Variants in MYO1B observed in about 807,000 individuals in gnomAD.
MYO1B encodes the protein myosin IB.
A neutral mutation model predicts 159.7 loss-of-function variants in MYO1B; 72 were observed. That is an observed-to-expected ratio of 0.45 (90% CI 0.37 to 0.55). The LOEUF is 0.55. MYO1B is among the 20% of genes least tolerant of loss of function. The pLI, the probability that MYO1B is intolerant of heterozygous loss-of-function variation, is 0.00. For missense variants in MYO1B, 1,062 were observed against 1,364.8 expected (o/e 0.78, Z 3.50); for synonymous variants, 468 against 473.8 (o/e 0.99, Z 0.16).
chr2:191,290,905 A>T (rs1688651972), intron 2 of MYO1B, among the ~76,000 whole-genome samples: 1 of 152,212 alleles, frequency 6.6e-6, no homozygotes, highest in African/African-American at 2.4e-5. Context: ...CAGCACTAGC[A>T]GGTTGTTGCA....
chr2:191,330,670 T>C (rs1691412517), intron 4 of MYO1B, among the ~76,000 whole-genome samples: 1 of 152,202 alleles, frequency 6.6e-6, no homozygotes, highest in Non-Finnish European at 1.5e-5. Flanking sequence ...AGCCACATTC[T>C]CTGAATTCAA....
At position 191,331,439 on chromosome 2, in the gene MYO1B, A is replaced by G. The variant is rs943796429; in HGVS notation, c.346+1410A>G. Among the ~76,000 whole-genome samples the G allele has an allele frequency of 7.2e-5, 11 of 152,242 alleles. No homozygotes were observed. In the East Asian group the frequency reaches 1.2e-3, roughly 16 times the overall value. ...AAAATTCTTCCTTACCTAGAGTTCAATTCTGCCTCTACCTATTTGTCTTCA... is the reference window on the plus strand; with the variant it reads ...AAAATTCTTCCTTACCTAGAGTTCAGTTCTGCCTCTACCTATTTGTCTTCA... On this transcript the variant is annotated intron_variant, in intron 4 of 30. Coordinates refer to ENST00000392318, the MANE Select transcript of MYO1B (RefSeq NM_001130158.3).
chr2:191,416,916 A>G (rs1697610282), intron 30 of MYO1B, among the ~76,000 whole-genome samples: 1 of 152,184 alleles, frequency 6.6e-6, no homozygotes, highest in Admixed American at 6.5e-5. Flanking sequence ...GGTTCTGAAT[A>G]TAGAAGTTAG....
In MYO1B at chr2:191,416,116, G is replaced by A; in HGVS notation, c.3161G>A (p.Gly1054Asp). 6.2e-7 allele frequency: 1 copy of A among 1,613,868 alleles called. No homozygotes were observed. The highest frequency in any genetic ancestry group is 8.5e-7 in the Non-Finnish European group (1 of 1,179,954). Residue 1054 changes from glycine to aspartate, a missense_variant and splice_region_variant, in exon 30 of 31, where the codon GGC becomes GAC. Physicochemically the swap from Gly to Asp is moderately conservative, Grantham distance 94. This residue lies in a region of MYO1B where 609 missense variants were observed against 744.4 expected (regional missense o/e 0.82). Coordinates refer to ENST00000392318, the MANE Select transcript of MYO1B (RefSeq NM_001130158.3). ...DGFFAVHLKE[G>D]SEAASKGDFL... is the part of the protein sequence containing the mutation. ...CCGACTCTTGGTTTGTCCTTGCAGGGCTCAGAAGCAGCTAGTAAAGGAGAC... is the reference window on the plus strand; with the variant it reads ...CCGACTCTTGGTTTGTCCTTGCAGGACTCAGAAGCAGCTAGTAAAGGAGAC...
At chr2:191,337,909 T>G (rs923153510) in intron 4 of MYO1B, among the ~76,000 whole-genome samples, 3 of 152,146 alleles carry the variant, frequency 2.0e-5, no homozygotes, top group Non-Finnish European at 4.4e-5. Context: ...ATATAAATAT[T>G]TGAATACAGA....
chr2:191,295,076 T>C (rs1688904822), intron 2 of MYO1B, among the ~76,000 whole-genome samples: 1 of 152,188 alleles, frequency 6.6e-6, no homozygotes, highest in Admixed American at 6.6e-5. Context: ...TGTTTCTTTC[T>C]TTCCTTTATG....
chr2:191,359,669 G>A (rs1490482416), intron 7 of MYO1B, among the ~76,000 whole-genome samples: 3 of 152,104 alleles, frequency 2.0e-5, no homozygotes, highest in South Asian at 2.1e-4. Flanking sequence ...AGATTAAATG[G>A]CACATCATTC....
At chr2:191,343,156 C>T (rs1353291604) in intron 5 of MYO1B, among the ~76,000 whole-genome samples, 1 of 152,154 alleles carries the variant, frequency 6.6e-6, no homozygotes, top group African/African-American at 2.4e-5. Flanking sequence ...CCTAGGGAGT[C>T]AGAACCACCC....
chr2:191,319,918 G>A (rs1456014944), intron 3 of MYO1B, among the ~76,000 whole-genome samples: 2 of 152,104 alleles, frequency 1.3e-5, no homozygotes, highest in East Asian at 1.9e-4. Context: ...TACATTTTTT[G>A]ACAGCATTGT....
Position 191,381,450 on chromosome 2 carries a change from TTC to T in MYO1B, c.1186-9_1186-8del, listed in dbSNP as rs1308568238. ...ATGGTTTATAAAGCTGTTTTTCATTTTCTCCATACAGGACAACAGCTTTGAGC... is the reference window on the plus strand; with the variant it reads ...ATGGTTTATAAAGCTGTTTTTCATTTTCCATACAGGACAACAGCTTTGAGC... On this transcript the variant is annotated splice_polypyrimidine_tract_variant and intron_variant, in intron 13 of 30. Coordinates refer to ENST00000392318, the MANE Select transcript of MYO1B (RefSeq NM_001130158.3). The T allele has an allele frequency of 3.7e-6, 6 of 1,602,710 alleles. No individual in the cohort carries two copies. In the East Asian group the frequency reaches 6.7e-5, roughly 18 times the overall value.
intron 7 of MYO1B, among the ~76,000 whole-genome samples, chr2:191,359,144 G>A (rs1693494672): frequency 6.6e-6 from 1 of 152,126 alleles, no homozygotes; most frequent in African/African-American, 2.4e-5. Context: ...CACATGATAA[G>A]TAAAATCGTA....
chr2:191,264,521 A>G (rs1456627739), intron 1 of MYO1B, among the ~76,000 whole-genome samples: 1 of 152,016 alleles, frequency 6.6e-6, no homozygotes, highest in Non-Finnish European at 1.5e-5. Flanking sequence ...TGAATTTTTA[A>G]AAGTAGCCAG....
At chr2:191,286,859 G>C (rs2125780304) in intron 2 of MYO1B, among the ~76,000 whole-genome samples, 1 of 152,180 alleles carries the variant, frequency 6.6e-6, no homozygotes, top group East Asian at 1.9e-4. Context: ...CTTGAACCTG[G>C]GATCGGGGCT....
At chr2:191,271,503 C>G (rs1406820328) in intron 1 of MYO1B, among the ~76,000 whole-genome samples, 1 of 122,126 alleles carries the variant, frequency 8.2e-6, no homozygotes, top group African/African-American at 3.3e-5. Context: ...GCAAGATCTT[C>G]TTTCTATTTA....
At chr2:191,368,318 G>A (rs1435506175) in intron 11 of MYO1B, among the ~76,000 whole-genome samples, 2 of 152,018 alleles carry the variant, frequency 1.3e-5, no homozygotes, top group African/African-American at 2.4e-5. Context: ...ACACACATAC[G>A]GCCAGCATGT....
rs1335572834 is a variant in MYO1B at position 191,424,321 on chromosome 2, T to C, written c.*361T>C. 1 of 192,820 alleles carries C rather than the reference T, an allele frequency of 5.2e-6. No homozygotes were observed. The highest frequency in any genetic ancestry group is 2.3e-5 in the African/African-American group (1 of 42,940). The allele number at this position is 192,820 out of a possible 1,614,324, so 11.9% of individuals were successfully genotyped here. ...AGATACTGCATTCATTCATCAGATA[T>C]TTATTCCATGCCTACTCTATGCTAG... On this transcript the variant is annotated 3_prime_UTR_variant, in exon 31 of 31. Transcript: ENST00000392318.
chr2:191,396,591 C>A, intron 21 of MYO1B, 94 bp downstream of exon 21: 1 of 1,112,016 alleles, frequency 9.0e-7, no homozygotes, highest in Non-Finnish European at 1.3e-6. Context: ...AGGAGGGGCT[C>A]CTCTGTCTCC....
chr2:191,382,542 G>GA (rs1487693168), intron 14 of MYO1B, among the ~76,000 whole-genome samples: 3 of 152,126 alleles, frequency 2.0e-5, no homozygotes, highest in Non-Finnish European at 2.9e-5. Context: ...CCCAAACTTT[G>GA]ATGGGTAACT....
chr2:191,276,009 T>C (rs918688603), intron 1 of MYO1B, among the ~76,000 whole-genome samples: 2 of 152,226 alleles, frequency 1.3e-5, no homozygotes. Context: ...ATGCTGCCTT[T>C]GTAGCGTGCC....
Sources: gnomAD v4.1 joint callset for allele counts (sites outside exome capture counted in the v4.1 genomes callset) on GRCh38, gnomAD v4.1.1 for gene constraint, gnomAD v4.1.1 regional missense constraint, MANE v1.5 for transcripts, NCBI Gene and HGNC (gene_info 2026-07-23, HGNC 2026-07-21) for gene names.